Variants in LRRC18 observed in about 807,000 individuals in gnomAD.
LRRC18 encodes leucine rich repeat containing 18.
LRRC18 carries 12 observed loss-of-function variants against 11.2 expected under a neutral mutation model. That is an observed-to-expected ratio of 1.07 (90% CI 0.69 to 1.74). The LOEUF (loss-of-function observed/expected upper bound fraction) is 1.74, where lower values mean the gene tolerates loss of function less well. Ranked by LOEUF, LRRC18 falls within the 40% of genes most tolerant of loss-of-function variation. The probability of loss-of-function intolerance (pLI) is 0.00; values close to 1 mark genes in which losing one functional copy is unlikely to be tolerated. For missense variants in LRRC18, 374 were observed against 330.5 expected (o/e 1.13, Z -1.02); for synonymous variants, 155 against 130.6 (o/e 1.19, Z -1.27).
upstream of LRRC18, among the ~76,000 whole-genome samples, chr10:48,916,382 G>GTTTT (rs1486425839): frequency 6.6e-6 from 1 of 152,154 alleles, no homozygotes; most frequent in Non-Finnish European, 1.5e-5. Flanking sequence ...TTGTTTGTTT[G>GTTTT]TTTGTTTGCT....
intron 1 of LRRC18, among the ~76,000 whole-genome samples, chr10:48,911,849 C>T (rs1838034304): frequency 1.3e-5 from 2 of 152,012 alleles, no homozygotes; most frequent in Admixed American, 6.6e-5. Flanking sequence ...TCTAGATCTC[C>T]CAAGGTTTTA....
chr10:48,909,776 C>A (rs955266375), exon 2 of LRRC18: 2 of 158,582 alleles, frequency 1.3e-5, no homozygotes, highest in African/African-American at 4.8e-5. Context: ...TTAGGCCCCA[C>A]CTCCAACACT....
chr10:48,936,794 C>T, the LRRC18 span, among the ~76,000 whole-genome samples: 16 of 147,982 alleles, frequency 1.1e-4, no homozygotes, highest in South Asian at 3.2e-3. Flanking sequence ...GCCGAGATCG[C>T]GCCACTGCAC....
Position 48,910,276 on chromosome 10 carries a change from A to G in LRRC18, c.765-18T>C, listed in dbSNP as rs1268708820. 2.5e-6 allele frequency: 4 copies of G among 1,613,280 alleles called. No individual in the cohort carries two copies. The highest frequency in any genetic ancestry group is 3.4e-6 in the Non-Finnish European group (4 of 1,179,236). The stretch of plus-strand genomic sequence containing the variant: ...AGCGTATTCTGGGGATGGAGACACA[A>G]GAAGGTGAGGCAATTGCTCCAGGCC... On this transcript the variant is annotated intron_variant, in intron 1 of 1. Coordinates refer to ENST00000374160, the Ensembl canonical transcript of LRRC18.
intron 1 of LRRC18, among the ~76,000 whole-genome samples, chr10:48,912,067 T>G (rs894012977): frequency 1.3e-5 from 2 of 152,206 alleles, no homozygotes; most frequent in African/African-American, 4.8e-5. Context: ...GAAAAAAGCC[T>G]CCCTCAAGGT....
At chr10:48,918,214 A>C (rs1035288518), upstream of LRRC18, among the ~76,000 whole-genome samples, 8 of 152,252 alleles carry the variant, frequency 5.3e-5, no homozygotes, top group African/African-American at 1.7e-4. Flanking sequence ...AAAATGATAG[A>C]CTGAAACTCA....
At chr10:48,928,461 C>G in the LRRC18 span, among the ~76,000 whole-genome samples, 2 of 150,806 alleles carry the variant, frequency 1.3e-5, no homozygotes, top group African/African-American at 4.9e-5. Flanking sequence ...AAATGGGGAA[C>G]CTGGACTCCA....
chr10:48,928,353 C>CATGT, the LRRC18 span, among the ~76,000 whole-genome samples: 7 of 125,044 alleles, frequency 5.6e-5, no homozygotes, highest in East Asian at 1.8e-3. Context: ...TTGGTTTTGA[C>CATGT]GTGTGTGTGT....
Position 48,913,602 on chromosome 10 carries a change from G to T in LRRC18, c.554C>A (p.Ser185Ter). Reference sequence around the variant, plus strand: ...CCTGATGGAGTCTATGAATATTTCCGACTCACCTGGCTTTGGAAAGGGGTT... The same window carrying T: ...CCTGATGGAGTCTATGAATATTTCCTACTCACCTGGCTTTGGAAAGGGGTT... Residue 185 changes from serine (S) to a stop codon, truncating the protein, a stop_gained, in exon 1 of 2, where the codon TCG becomes TAG. Coordinates refer to ENST00000374160, the Ensembl canonical transcript of LRRC18. LOFTEE classifies it high-confidence loss of function. 1 of 1,613,974 alleles carries T rather than the reference G, an allele frequency of 6.2e-7. No individual in the cohort carries two copies. Among genetic ancestry groups the T allele is most frequent in the Non-Finnish European group, 8.5e-7 (1 of 1,179,974 alleles).
chr10:48,910,205 T>C, exon 2 of LRRC18: 1 of 1,492,762 alleles, frequency 6.7e-7, no homozygotes, highest in Non-Finnish European at 9.3e-7. Flanking sequence ...TTCTGTTAGC[T>C]GAGTAGTCTT....
At chr10:48,914,844 A>AT (rs927578371), upstream of LRRC18, among the ~76,000 whole-genome samples, 4 of 152,206 alleles carry the variant, frequency 2.6e-5, no homozygotes, top group African/African-American at 7.2e-5. Flanking sequence ...CAGCAGCACC[A>AT]TAACTCCCCA....
the LRRC18 span, among the ~76,000 whole-genome samples, chr10:48,932,170 C>G: frequency 6.6e-6 from 1 of 152,152 alleles, no homozygotes; most frequent in Non-Finnish European, 1.5e-5. Context: ...TGTTAGGTGA[C>G]CAGTGTTCAG....
At chr10:48,917,908 T>G (rs1838697734), upstream of LRRC18, among the ~76,000 whole-genome samples, 1 of 152,240 alleles carries the variant, frequency 6.6e-6, no homozygotes, top group Non-Finnish European at 1.5e-5. Context: ...GTGATGGAGT[T>G]GTCAAAGTAT....
the LRRC18 span, among the ~76,000 whole-genome samples, chr10:48,936,737 C>T: frequency 6.7e-6 from 1 of 150,322 alleles, no homozygotes; most frequent in East Asian, 2.0e-4. Context: ...ACTTGGGAGG[C>T]TGAGGCAGGA....
chr10:48,914,384 T>G (rs372244999), upstream of LRRC18, among the ~76,000 whole-genome samples: 1 of 152,324 alleles, frequency 6.6e-6, no homozygotes, highest in South Asian at 2.1e-4. Flanking sequence ...CAGCCATAGA[T>G]TGTCAGCAAA....
At chr10:48,912,265 C>A (rs181615328) in intron 1 of LRRC18, among the ~76,000 whole-genome samples, 1 of 152,336 alleles carries the variant, frequency 6.6e-6, no homozygotes, top group East Asian at 1.9e-4. Flanking sequence ...AGTTATGGTT[C>A]TGGAAGAAAA....
chr10:48,935,305 G>A, the LRRC18 span: 1 of 152,346 alleles, frequency 6.6e-6, no homozygotes, highest in East Asian at 1.9e-4. Flanking sequence ...AAGGCTGAAA[G>A]GGTCTCTAAG....
intron 1 of LRRC18, chr10:48,910,953 G>A (rs1382469211): frequency 7.2e-6 from 7 of 977,360 alleles, no homozygotes; most frequent in Non-Finnish European, 7.3e-6. Context: ...CCTAAGGAGG[G>A]AAAATTAATT....
rs1248228577 is a variant in LRRC18 at position 48,914,134 on chromosome 10, G to A, written c.22C>T (p.Pro8Ser). The A allele has an allele frequency of 5.6e-6, 9 of 1,613,770 alleles. No homozygotes were observed. The East Asian group carries it at 2.0e-4, about 36-fold the overall frequency. Residue 8 changes from proline (P) to serine (S), a missense_variant, in exon 1 of 2, where the codon CCC (proline) becomes TCC (serine). Pro to Ser is a moderately conservative substitution (Grantham distance 74). Coordinates refer to ENST00000374160, the Ensembl canonical transcript of LRRC18. ...TTGAGGGTGATCTTCTTGCCCTTGG[G>A]GCCTTTCTCACCCTTAACCATGTTC...
Sources: allele counts gnomAD v4.1 joint callset (sites outside exome capture counted in the v4.1 genomes callset), GRCh38; gene constraint gnomAD v4.1.1; transcripts MANE v1.5; gene names NCBI Gene and HGNC (gene_info 2026-07-23, HGNC 2026-07-21).